NUDT4: variants seen among roughly 807,000 people sequenced by gnomAD.
The protein encoded by NUDT4 is diphosphoinositol polyphosphate phosphohydrolase 2.
In NUDT4, 5 loss-of-function variants were observed where a neutral mutation model predicts 23.1. The ratio of observed to expected loss-of-function variants is 0.22; its 90% CI spans 0.11 to 0.46. The LOEUF (loss-of-function observed/expected upper bound fraction) is 0.46, where lower values mean the gene tolerates loss of function less well. Among genes scored for constraint, NUDT4 ranks in the 20% least tolerant of loss-of-function variants. The probability of loss-of-function intolerance (pLI) is 0.99; values close to 1 mark genes in which losing one functional copy is unlikely to be tolerated. For missense variants in NUDT4, 96 were observed against 211.6 expected (o/e 0.45, Z 3.39); for synonymous variants, 50 against 79.0 (o/e 0.63, Z 1.95).
At chr12:93,387,966 C>T (rs1876228532) in intron 1 of NUDT4, among the ~76,000 whole-genome samples, 1 of 151,886 alleles carries the variant, frequency 6.6e-6, no homozygotes, top group South Asian at 2.1e-4. Flanking sequence ...CCCACCACCA[C>T]CCCCCCAGAT....
intron 1 of NUDT4, among the ~76,000 whole-genome samples, chr12:93,391,749 C>T (rs1876522422): frequency 6.6e-6 from 1 of 152,068 alleles, no homozygotes; most frequent in East Asian, 1.9e-4. Context: ...TTATCATCAT[C>T]ATCTCTATGC....
chr12:93,396,094 G>A (rs1190711494), intron 3 of NUDT4, among the ~76,000 whole-genome samples: 2 of 152,154 alleles, frequency 1.3e-5, no homozygotes, highest in African/African-American at 4.8e-5. Context: ...ATACTGAAAT[G>A]TTTATCTTAA....
intron 1 of NUDT4, among the ~76,000 whole-genome samples, chr12:93,392,266 CT>C (rs1460216207): frequency 9.2e-6 from 1 of 108,694 alleles, no homozygotes; most frequent in Non-Finnish European, 1.9e-5. Flanking sequence ...TTTTTTTTTC[CT>C]TTTTTTGAGA....
rs571323062 is a variant in NUDT4 at position 93,398,355 on chromosome 12, A to G, written c.256-416A>G. ...CCCTGTCTCAAAAAAAAAAAAAAAA[A>G]AAAAGAAAAGAACATCAGATATATA... On this transcript the variant is annotated intron_variant, in intron 3 of 4. Coordinates refer to ENST00000415493, the MANE Select transcript of NUDT4 (RefSeq NM_019094.6). 2.0e-3 allele frequency among the ~76,000 whole-genome samples: 295 copies of G among 150,698 alleles called. 2 individuals carry two copies. The highest frequency in any genetic ancestry group is 6.3e-3 in the African/African-American group (254 of 40,554).
chr12:93,394,704 G>A lies in NUDT4; in HGVS notation c.195G>A (p.Arg65=). The part of the protein sequence containing the change: ...PEEEPGGAAV[R]EVYEEAGVKG... ...AGGAACCTGGCGGTGCTGCCGTGAG[G>A]GAAGTTTATGAGGAGGTGAGATGTT... The change falls in exon 2 of 5, where the codon AGG becomes AGA. Residue 65 remains arginine, a synonymous_variant. Transcript: ENST00000415493. 1 of 1,547,626 alleles carries A rather than the reference G, an allele frequency of 6.5e-7. No individual in the cohort carries two copies. Among genetic ancestry groups the A allele is most frequent in the Non-Finnish European group, 8.8e-7 (1 of 1,142,526 alleles).
chr12:93,389,415 T>G (rs1876328172), intron 1 of NUDT4, among the ~76,000 whole-genome samples: 2 of 151,700 alleles, frequency 1.3e-5, no homozygotes, highest in South Asian at 4.2e-4. Flanking sequence ...GAGGTTGCAG[T>G]GAGCCGAGAT....
In NUDT4 at chr12:93,399,183, A is replaced by G; in HGVS notation, c.347A>G (p.Lys116Arg). Residue 116 changes from lysine (K) to arginine (R), a missense_variant, in exon 5 of 5, where the codon AAG (lysine) becomes AGG (arginine). Transcript: ENST00000415493. Reference sequence around the variant, plus strand: ...ATGTCATTCTTTTCTCTAGGAAGGAAGAGAGAGTGGTTCAAAGTAGAAGAT... The same window carrying G: ...ATGTCATTCTTTTCTCTAGGAAGGAGGAGAGAGTGGTTCAAAGTAGAAGAT... Reference protein sequence around the residue: ...DWEDSVNIGRKREWFKVEDAI... With the variant: ...DWEDSVNIGRRREWFKVEDAI... 8 of 1,606,476 alleles carry G rather than the reference A, an allele frequency of 5.0e-6. No homozygotes were observed. The highest frequency in any genetic ancestry group is 6.8e-6 in the Non-Finnish European group (8 of 1,173,098).
chr12:93,397,912 A>G (rs1456705588), intron 3 of NUDT4, among the ~76,000 whole-genome samples: 2 of 152,214 alleles, frequency 1.3e-5, no homozygotes, highest in Admixed American at 6.5e-5. Context: ...AAGGTCCTAA[A>G]GGAAGCAGTT....
intron 1 of NUDT4, among the ~76,000 whole-genome samples, chr12:93,380,506 G>A (rs971795717): frequency 6.6e-6 from 1 of 152,312 alleles, no homozygotes; most frequent in East Asian, 1.9e-4. Context: ...AAAATCCATT[G>A]TATAAAACTT....
intron 1 of NUDT4, among the ~76,000 whole-genome samples, chr12:93,385,939 TTTTATATATATATATATATA>T (rs1876037822): frequency 1.8e-5 from 1 of 55,168 alleles, no homozygotes; most frequent in Non-Finnish European, 3.4e-5. Context: ...TAGTAAATCT[TTTTATATATATATATATATA>T]TATATATATA....
At chr12:93,385,742 G>A (rs1876011093) in intron 1 of NUDT4, among the ~76,000 whole-genome samples, 1 of 151,644 alleles carries the variant, frequency 6.6e-6, no homozygotes, top group East Asian at 1.9e-4. Flanking sequence ...ACTTTTGTAG[G>A]AGGGGCTTAG....
rs913163133 is a variant in NUDT4, at chr12:93,402,848, C to T, written c.*3469C>T. 1 of 122,280 alleles carries T rather than the reference C, an allele frequency of 8.2e-6. No individual in the cohort carries two copies. Among genetic ancestry groups the T allele is most frequent in the South Asian group, 2.7e-4 (1 of 3,750 alleles). The allele number at this position is 122,280 out of a possible 1,614,324, so 7.6% of individuals were successfully genotyped here. On this transcript the variant is annotated 3_prime_UTR_variant, in exon 5 of 5. Transcript: ENST00000415493. Reference sequence around the variant, plus strand: ...AGCATAACTGGCTAAGTCACCGCCCCACCCGCCGCATTACATTTCCTAAAA... The same window carrying T: ...AGCATAACTGGCTAAGTCACCGCCCTACCCGCCGCATTACATTTCCTAAAA...
intron 1 of NUDT4, among the ~76,000 whole-genome samples, chr12:93,380,460 G>A (rs76355996): frequency 1.2e-3 from 180 of 152,314 alleles, no homozygotes; most frequent in Non-Finnish European, 2.0e-3. Context: ...ATTAGGTAAG[G>A]TGAAGTAGGG....
intron 1 of NUDT4, among the ~76,000 whole-genome samples, chr12:93,394,395 A>G (rs988461399): frequency 6.6e-6 from 1 of 152,202 alleles, no homozygotes; most frequent in Non-Finnish European, 1.5e-5. Context: ...TGGTAGTGTG[A>G]CCATGTTAAT....
chr12:93,394,185 C>T (rs1024231383), intron 1 of NUDT4, among the ~76,000 whole-genome samples: 8 of 152,028 alleles, frequency 5.3e-5, no homozygotes, highest in African/African-American at 1.2e-4. Context: ...TTAGTAGAGA[C>T]GGGGTTTGGG....
At chr12:93,378,542 C>T (rs1046465300) in intron 1 of NUDT4, 121 bp downstream of exon 1, 4 of 1,308,824 alleles carry the variant, frequency 3.1e-6, no homozygotes, top group East Asian at 3.1e-5. Flanking sequence ...CCCCTTCCTC[C>T]CTCCCTCCTT....
intron 3 of NUDT4, among the ~76,000 whole-genome samples, chr12:93,398,447 A>G (rs73366034): frequency 0.031 from 4,748 of 151,998 alleles, 281 homozygotes; most frequent in African/African-American, 0.11. Flanking sequence ...GTTTTTGGGA[A>G]GGCCAAAGCA....
At chr12:93,394,105 C>T (rs1399918518) in intron 1 of NUDT4, among the ~76,000 whole-genome samples, 1 of 151,930 alleles carries the variant, frequency 6.6e-6, no homozygotes, top group South Asian at 2.1e-4. Context: ...TGGGTTCAAG[C>T]GATTCTCCTG....
rs1877600772 is a variant in NUDT4, at chr12:93,403,235, A to G, written c.*3856A>G. 6.6e-6 allele frequency: 1 copy of G among 151,740 alleles called. No homozygotes were observed. Among genetic ancestry groups the G allele is most frequent in the Non-Finnish European group, 1.5e-5 (1 of 68,014 alleles). The allele number at this position is 151,740 out of a possible 1,614,324, so 9.4% of individuals were successfully genotyped here. ...TTCTTTATGCCTAGTATTTGTGATA[A>G]GAGCACAAAACAATTTTCTAATCTC... On this transcript the variant is annotated 3_prime_UTR_variant, in exon 5 of 5. Transcript: ENST00000415493.
Sources: gnomAD v4.1 joint callset for allele counts (sites outside exome capture counted in the v4.1 genomes callset) on GRCh38, gnomAD v4.1.1 for gene constraint, MANE v1.5 for transcripts, NCBI Gene and HGNC (gene_info 2026-07-23, HGNC 2026-07-21) for gene names.